Variants in SPATA31H1 observed in about 807,000 individuals in gnomAD.
SPATA31H1 encodes SPATA31 subfamily H member 1.
chr2:27,580,309 C>CA, the SPATA31H1 span: 1 of 1,614,142 alleles, frequency 6.2e-7, no homozygotes, highest in Non-Finnish European at 8.5e-7. Flanking sequence ...GTAGAAAAGA[C>CA]AAAAACTAGA....
chr2:27,541,505 CT>C, the SPATA31H1 span, among the ~76,000 whole-genome samples: 1 of 151,994 alleles, frequency 6.6e-6, no homozygotes, highest in Non-Finnish European at 1.5e-5. Flanking sequence ...GCCTAGTATA[CT>C]GGCTGGCATA....
the SPATA31H1 span, among the ~76,000 whole-genome samples, chr2:27,562,844 G>A: frequency 1.3e-5 from 2 of 150,454 alleles, no homozygotes; most frequent in East Asian, 2.0e-4. Context: ...CTGAGATCGC[G>A]CCACTGCACT....
chr2:27,568,543 T>C, the SPATA31H1 span: 5 of 399,056 alleles, frequency 1.3e-5, no homozygotes, highest in South Asian at 1.3e-4. Context: ...CCACATGTTA[T>C]AGAATCTGGG....
chr2:27,575,131 A>G, the SPATA31H1 span: 1 of 398,408 alleles, frequency 2.5e-6, no homozygotes, highest in Non-Finnish European at 4.4e-6. This position sits in a 1 kb window ranked among gnomAD's most constrained non-coding sequence, Gnocchi z 4.1. Context: ...AAGTTGGAAG[A>G]TATGAAATCT....
chr2:27,551,514 G>A, the SPATA31H1 span, among the ~76,000 whole-genome samples: 3 of 151,900 alleles, frequency 2.0e-5, no homozygotes, highest in Non-Finnish European at 4.4e-5. Flanking sequence ...TTAAGAAATC[G>A]GCTCACAAAA....
chr2:27,575,625 G>A, the SPATA31H1 span: 1 of 398,390 alleles, frequency 2.5e-6, no homozygotes, highest in Non-Finnish European at 4.4e-6. The surrounding 1 kb of genome is among the most constrained non-coding windows in gnomAD (Gnocchi z 4.1). Context: ...TTTGCAAGAT[G>A]TGAATTCTTC....
the SPATA31H1 span, chr2:27,571,318 G>C: frequency 5.0e-6 from 2 of 398,222 alleles, no homozygotes; most frequent in Non-Finnish European, 8.9e-6. Context: ...TTAACTCCAG[G>C]ACCATGCCTG....
At chr2:27,580,783 G>T in the SPATA31H1 span, 1 of 1,614,194 alleles carries the variant, frequency 6.2e-7, no homozygotes, top group East Asian at 2.2e-5. Context: ...TTACCAAGCA[G>T]TATCAAAAGA....
chr2:27,561,490 T>C, the SPATA31H1 span, among the ~76,000 whole-genome samples: 1 of 152,222 alleles, frequency 6.6e-6, no homozygotes, highest in Non-Finnish European at 1.5e-5. Context: ...TTTAAAATCT[T>C]CTTTTTCAGC....
chr2:27,537,421 T>G, the SPATA31H1 span: 1 of 717,184 alleles, frequency 1.4e-6, no homozygotes, highest in Non-Finnish European at 2.6e-6. Context: ...AGCATGGGGT[T>G]GAGAAATGGC....
the SPATA31H1 span, among the ~76,000 whole-genome samples, chr2:27,540,019 ACC>A: frequency 1.2e-5 from 1 of 83,976 alleles, no homozygotes; most frequent in Non-Finnish European, 2.4e-5. Context: ...CGGGGGGCTG[ACC>A]CCCCCACCTC....
chr2:27,574,993 C>G, the SPATA31H1 span: 5 of 398,378 alleles, frequency 1.3e-5, no homozygotes, highest in African/African-American at 8.2e-5. Flanking sequence ...ACTGTAGGTA[C>G]AAAGGTACAG....
At chr2:27,580,855 T>C in the SPATA31H1 span, 2 of 1,614,134 alleles carry the variant, frequency 1.2e-6, no homozygotes, top group Non-Finnish European at 1.7e-6. Context: ...GAGGACATAT[T>C]GTGGGGAGGA....
the SPATA31H1 span, among the ~76,000 whole-genome samples, chr2:27,546,483 A>G: frequency 6.6e-6 from 1 of 152,046 alleles, no homozygotes; most frequent in Non-Finnish European, 1.5e-5. Context: ...TGAACACAAA[A>G]TGTAAGGAAC....
the SPATA31H1 span, chr2:27,571,258 C>G: frequency 5.0e-6 from 2 of 398,310 alleles, no homozygotes; most frequent in Non-Finnish European, 8.9e-6. Flanking sequence ...AAGCTTCAAT[C>G]TGAGTTGCTG....
the SPATA31H1 span, chr2:27,580,438 C>T: frequency 1.9e-6 from 3 of 1,614,092 alleles, no homozygotes; most frequent in Non-Finnish European, 1.7e-6. Flanking sequence ...TCAAAATATC[C>T]AATGAAGAGA....
At chr2:27,537,888 TA>T in the SPATA31H1 span, among the ~76,000 whole-genome samples, 1 of 152,116 alleles carries the variant, frequency 6.6e-6, no homozygotes, top group Non-Finnish European at 1.5e-5. Context: ...TATTTTGAAC[TA>T]GGGGGCTCTA....
chr2:27,561,257 G>C, the SPATA31H1 span, among the ~76,000 whole-genome samples: 1 of 152,166 alleles, frequency 6.6e-6, no homozygotes, highest in African/African-American at 2.4e-5. Flanking sequence ...GCTTGAGCTT[G>C]GGAGGCAGAG....
the SPATA31H1 span, chr2:27,578,782 C>A: frequency 3.9e-5 from 63 of 1,614,012 alleles, 2 homozygotes; most frequent in Non-Finnish European, 5.2e-5. Context: ...AGCTCTTCAA[C>A]CACACTCATT....
Sources: allele counts gnomAD v4.1 joint callset (sites outside exome capture counted in the v4.1 genomes callset), GRCh38; gene constraint gnomAD v4.1.1; non-coding constraint Gnocchi (gnomAD v3.1); transcripts MANE v1.5; gene names NCBI Gene and HGNC (gene_info 2026-07-23, HGNC 2026-07-21).